Variants in CCDC102B observed in about 807,000 individuals in gnomAD.
The protein encoded by CCDC102B is coiled-coil domain containing 102B.
CCDC102B carries 75 observed loss-of-function variants against 57.4 expected under a neutral mutation model. The observed-to-expected ratio is 1.31, with a 90% CI of 1.08 to 1.58. CCDC102B has a LOEUF of 1.58. CCDC102B is among the 40% of genes most tolerant of loss of function. The pLI is 0.00. For synonymous variants in CCDC102B, 206 were observed against 201.9 expected (o/e 1.02, Z -0.17); for missense variants, 636 against 582.6 (o/e 1.09, Z -0.94).
chr18:68,983,812 T>C (rs759635025), intron 6 of CCDC102B, among the ~76,000 whole-genome samples: 1 of 152,062 alleles, frequency 6.6e-6, no homozygotes, highest in Non-Finnish European at 1.5e-5. Flanking sequence ...ATTTGTCTTA[T>C]CTGATTTTTG....
chr18:68,917,382 A>G (rs2041111804), intron 6 of CCDC102B, among the ~76,000 whole-genome samples: 1 of 152,136 alleles, frequency 6.6e-6, no homozygotes, highest in South Asian at 2.1e-4. Context: ...CAGCATAGCT[A>G]CACGTACTGT....
At chr18:68,935,627 G>T (rs987657446) in intron 6 of CCDC102B, among the ~76,000 whole-genome samples, 1 of 151,936 alleles carries the variant, frequency 6.6e-6, no homozygotes, top group African/African-American at 2.4e-5. Flanking sequence ...GTTGGTTTAA[G>T]CTGTGAAACG....
intron 6 of CCDC102B, among the ~76,000 whole-genome samples, chr18:68,979,200 C>T (rs542638277): frequency 6.6e-6 from 1 of 152,082 alleles, no homozygotes; most frequent in East Asian, 1.9e-4. Context: ...CTAATTTATA[C>T]TTTAAATAGC....
intron 6 of CCDC102B, among the ~76,000 whole-genome samples, chr18:68,956,369 A>AT (rs2049858631): frequency 1.7e-5 from 1 of 57,154 alleles, no homozygotes; most frequent in African/African-American, 4.3e-5. Flanking sequence ...TAATATATAT[A>AT]TAAAATGTAT....
chr18:68,917,705 C>CAAAA (rs2041125018), intron 6 of CCDC102B, among the ~76,000 whole-genome samples: 1 of 152,102 alleles, frequency 6.6e-6, no homozygotes, highest in African/African-American at 2.4e-5. Context: ...TCCCCAATAT[C>CAAAA]AAATAATTAT....
At chr18:68,965,744 C>A (rs144025800) in intron 6 of CCDC102B, among the ~76,000 whole-genome samples, 120 of 151,990 alleles carry the variant, frequency 7.9e-4, no homozygotes, top group Middle Eastern at 3.4e-3. Flanking sequence ...TTGAAATTTT[C>A]TGGGTTCTTG....
intron 1 of CCDC102B, among the ~76,000 whole-genome samples, chr18:68,804,093 G>A (rs1439259886): frequency 2.0e-5 from 3 of 152,208 alleles, no homozygotes; most frequent in Non-Finnish European, 4.4e-5. Context: ...AGATATTAGA[G>A]ATGGAGTTTT....
intron 2 of CCDC102B, among the ~76,000 whole-genome samples, chr18:68,745,290 T>G (rs962962785): frequency 6.6e-6 from 1 of 151,840 alleles, no homozygotes; most frequent in African/African-American, 2.4e-5. Context: ...CTGGCTCACG[T>G]AGGGCAAGCA....
At chr18:68,960,114 C>T (rs1381469272) in intron 6 of CCDC102B, among the ~76,000 whole-genome samples, 1 of 152,168 alleles carries the variant, frequency 6.6e-6, no homozygotes, top group African/African-American at 2.4e-5. Flanking sequence ...ACACCTATAG[C>T]CAGTAGAGCT....
chr18:68,877,172 G>A (rs1001071566), intron 5 of CCDC102B, among the ~76,000 whole-genome samples: 1 of 152,146 alleles, frequency 6.6e-6, no homozygotes, highest in Non-Finnish European at 1.5e-5. Context: ...TATAGTCTGA[G>A]GTTTATTGCC....
intron 5 of CCDC102B, among the ~76,000 whole-genome samples, chr18:68,887,106 C>T (rs1439116713): frequency 6.6e-6 from 1 of 152,010 alleles, no homozygotes; most frequent in African/African-American, 2.4e-5. Flanking sequence ...ATGCTCTATC[C>T]ATTAATCTAG....
chr18:68,894,469 A>G (rs548153719), intron 5 of CCDC102B, among the ~76,000 whole-genome samples: 27 of 152,064 alleles, frequency 1.8e-4, no homozygotes, highest in Admixed American at 1.7e-3. Flanking sequence ...CTTCATCATC[A>G]GAAGCAAAGC....
intron 6 of CCDC102B, among the ~76,000 whole-genome samples, chr18:68,930,696 C>G (rs2041641056): frequency 6.6e-6 from 1 of 151,842 alleles, no homozygotes; most frequent in South Asian, 2.1e-4. Context: ...ATGTGAGGGT[C>G]CAAAATTGTG....
chr18:68,977,498 A>G (rs373963935), intron 6 of CCDC102B, among the ~76,000 whole-genome samples: 2 of 151,576 alleles, frequency 1.3e-5, no homozygotes, highest in Non-Finnish European at 2.9e-5. Context: ...TATTCATAAT[A>G]TTTGAAGTTT....
At chr18:68,847,015 T>G (rs7239372) in intron 4 of CCDC102B, among the ~76,000 whole-genome samples, 1,531 of 151,868 alleles carry the variant, frequency 0.01, 29 homozygotes, top group African/African-American at 0.035. Context: ...TTATTACCAT[T>G]TATTATTTGA....
chr18:68,884,257 C>G (rs2039795870), intron 5 of CCDC102B, among the ~76,000 whole-genome samples: 1 of 152,034 alleles, frequency 6.6e-6, no homozygotes, highest in Non-Finnish European at 1.5e-5. Flanking sequence ...GATATAGAAA[C>G]AACCCAGTGT....
chr18:68,738,395 G>A (rs986472180), intron 2 of CCDC102B, among the ~76,000 whole-genome samples: 2 of 152,160 alleles, frequency 1.3e-5, no homozygotes, highest in South Asian at 2.1e-4. Context: ...CTCTTACCTG[G>A]AATACGGGTC....
chr18:68,733,410 A>G (rs998016793), intron 2 of CCDC102B, among the ~76,000 whole-genome samples: 1 of 150,492 alleles, frequency 6.6e-6, no homozygotes, highest in African/African-American at 2.4e-5. Context: ...GCAAACAGGG[A>G]TGAGAAGATA....
rs929986797 is a variant in CCDC102B at position 68,911,513 on chromosome 18, G to C, written c.1263+14085G>C. 2.7e-5 allele frequency among the ~76,000 whole-genome samples: 4 copies of C among 150,766 alleles called. No homozygotes were observed. In the East Asian group the frequency reaches 8.2e-4, roughly 31 times the overall value. On this transcript the variant is annotated intron_variant, in intron 6 of 7. Coordinates refer to ENST00000360242, the MANE Select transcript of CCDC102B (RefSeq NM_024781.3). ...CACGCCTGTAATCCCAGCACTTTGG[G>C]AGGCCGAGGCGGGCGGATCACGAGG... is the stretch of plus-strand genomic sequence containing the variant.
Sources: gnomAD v4.1 joint callset for allele counts (sites outside exome capture counted in the v4.1 genomes callset) on GRCh38, gnomAD v4.1.1 for gene constraint, MANE v1.5 for transcripts, NCBI Gene and HGNC (gene_info 2026-07-23, HGNC 2026-07-21) for gene names.